Variants in PLCH1 observed in about 807,000 individuals in gnomAD.
PLCH1 encodes phospholipase C eta 1, also known as 1-phosphatidylinositol 4,5-bisphosphate phosphodiesterase eta-1.
In PLCH1, 60 loss-of-function variants were observed where a neutral mutation model predicts 126.7. The observed-to-expected ratio is 0.47, with a 90% CI of 0.38 to 0.59. The LOEUF (loss-of-function observed/expected upper bound fraction) is 0.59. PLCH1 is among the 20% of genes least tolerant of loss of function. PLCH1 has a pLI of 0.00. For synonymous variants in PLCH1, 719 were observed against 734.9 expected (o/e 0.98, Z 0.35); for missense variants, 1,723 against 2,040.0 (o/e 0.84, Z 2.99).
intron 2 of PLCH1, among the ~76,000 whole-genome samples, chr3:155,642,843 A>T (rs915135442): frequency 4.6e-5 from 7 of 152,208 alleles, no homozygotes; most frequent in African/African-American, 1.7e-4. Flanking sequence ...ATTGAATTAG[A>T]CAGTCTATGT....
chr3:155,720,157 G>C (rs184267957), intron 1 of PLCH1, among the ~76,000 whole-genome samples: 35 of 152,256 alleles, frequency 2.3e-4, no homozygotes, highest in African/African-American at 7.9e-4. Flanking sequence ...TTTTGCATTT[G>C]TGAATTATGC....
intron 2 of PLCH1, among the ~76,000 whole-genome samples, chr3:155,607,177 G>A (rs1342433552): frequency 1.3e-5 from 2 of 152,078 alleles, no homozygotes; most frequent in Non-Finnish European, 2.9e-5. Flanking sequence ...TTTAGGGCAG[G>A]AAGCAAGTAA....
At chr3:155,680,359 G>C (rs1744414941) in intron 2 of PLCH1, among the ~76,000 whole-genome samples, 1 of 152,062 alleles carries the variant, frequency 6.6e-6, no homozygotes, top group Admixed American at 6.5e-5. Context: ...CTCCAGCCTG[G>C]GTGACAGAGC....
chr3:155,487,245 T>C (rs964172010), intron 21 of PLCH1: 6 of 152,224 alleles, frequency 3.9e-5, no homozygotes, highest in African/African-American at 1.4e-4. Context: ...TATTTATTTA[T>C]GAGATAGGTA....
intron 1 of PLCH1, among the ~76,000 whole-genome samples, chr3:155,726,821 G>C (rs185503398): frequency 2.7e-3 from 402 of 149,332 alleles, no homozygotes; most frequent in Non-Finnish European, 4.6e-3. Context: ...TCAGCCTCCT[G>C]AGTAGCTGGG....
At chr3:155,468,153 G>T (rs891843726) in intron 21 of PLCH1, among the ~76,000 whole-genome samples, 5 of 152,188 alleles carry the variant, frequency 3.3e-5, no homozygotes, top group Non-Finnish European at 5.9e-5. Flanking sequence ...CCTTTTGCTT[G>T]TTTGTTTATG....
chr3:155,537,205 A>AC (rs1723521225), intron 10 of PLCH1, among the ~76,000 whole-genome samples: 1 of 4,884 alleles, frequency 2.0e-4, no homozygotes, highest in Non-Finnish European at 3.1e-3. Context: ...AAAAAACCAA[A>AC]AAAAAAAAAA....
rs752807995 is a variant in PLCH1, at chr3:155,554,075, C to T, written c.1190+1G>A. The T allele has an allele frequency of 6.2e-7, 1 of 1,613,534 alleles. No homozygotes were observed. Among genetic ancestry groups the T allele is most frequent in the Non-Finnish European group, 8.5e-7 (1 of 1,179,684 alleles). On this transcript the variant is annotated splice_donor_variant, in intron 9 of 22. Transcript: ENST00000460012. LOFTEE classifies it high-confidence loss of function. The stretch of plus-strand genomic sequence containing the variant: ...TAGCTCACAGGTGCTGCTTTACTTA[C>T]TCATTCTTCACAAAGGCATGCTTGT...
chr3:155,659,053 C>T (rs1741777924), intron 2 of PLCH1, among the ~76,000 whole-genome samples: 1 of 152,138 alleles, frequency 6.6e-6, no homozygotes. Context: ...TTCTTAGCTG[C>T]CACATCATCA....
intron 2 of PLCH1, among the ~76,000 whole-genome samples, chr3:155,620,701 G>C (rs1013062354): frequency 2.0e-5 from 3 of 152,176 alleles, no homozygotes; most frequent in African/African-American, 7.2e-5. Context: ...CGGCCAGACT[G>C]CCTCTCCAGA....
At chr3:155,736,274 G>A (rs977925965) in intron 1 of PLCH1, among the ~76,000 whole-genome samples, 4 of 152,158 alleles carry the variant, frequency 2.6e-5, no homozygotes, top group Admixed American at 2.6e-4. Flanking sequence ...GATTTACCCA[G>A]TAAATAGAAA....
intron 10 of PLCH1, among the ~76,000 whole-genome samples, chr3:155,526,437 C>G (rs1721929252): frequency 6.6e-6 from 1 of 150,978 alleles, no homozygotes; most frequent in Non-Finnish European, 1.5e-5. Context: ...CTCTCTCTCT[C>G]TCTCTTTTTC....
intron 2 of PLCH1, among the ~76,000 whole-genome samples, chr3:155,642,531 G>C (rs762024374): frequency 1.3e-5 from 2 of 152,170 alleles, no homozygotes; most frequent in African/African-American, 4.8e-5. Context: ...ATTTGAATTG[G>C]TAGATAGAGT....
chr3:155,718,834 A>G (rs562436675), intron 1 of PLCH1, among the ~76,000 whole-genome samples: 109 of 152,284 alleles, frequency 7.2e-4, no homozygotes, highest in Admixed American at 4.3e-3. Flanking sequence ...ATCATCTTGT[A>G]TGTTAGCAGA....
chr3:155,667,868 C>T (rs1174425583), intron 2 of PLCH1, among the ~76,000 whole-genome samples: 3 of 138,580 alleles, frequency 2.2e-5, no homozygotes, highest in South Asian at 4.6e-4. Context: ...AGTTCAAGAC[C>T]AGCCTGGCCA....
chr3:155,488,020 T>C lies in PLCH1; in HGVS notation c.2619+8A>G. 6.6e-7 allele frequency: 1 copy of C among 1,504,540 alleles called. No individual in the cohort carries two copies. The highest frequency in any genetic ancestry group is 9.3e-7 in the Non-Finnish European group (1 of 1,080,046). The allele number at this position is 1,504,540 out of a possible 1,614,324, so 93.2% of individuals were successfully genotyped here. On this transcript the variant is annotated splice_region_variant and intron_variant, in intron 21 of 22. Coordinates refer to ENST00000460012, the MANE Select transcript of PLCH1 (RefSeq NM_014996.4). ...GTATATGACTTTAAATCCTATGATC[T>C]TTCTCACCTTTCCATAGATTTCATT...
At chr3:155,451,581 G>A (rs1052237921) in intron 21 of PLCH1, among the ~76,000 whole-genome samples, 1 of 152,182 alleles carries the variant, frequency 6.6e-6, no homozygotes, top group East Asian at 1.9e-4. Flanking sequence ...TTAGTAAACT[G>A]AATAAAGCAG....
At chr3:155,730,903 C>T (rs1748723254) in intron 1 of PLCH1, among the ~76,000 whole-genome samples, 1 of 152,302 alleles carries the variant, frequency 6.6e-6, no homozygotes, top group South Asian at 2.1e-4. Flanking sequence ...CATTGCCTTA[C>T]ACCCTAATGC....
intron 2 of PLCH1, among the ~76,000 whole-genome samples, chr3:155,673,077 T>A (rs147398827): frequency 1.2e-3 from 143 of 120,122 alleles, no homozygotes; most frequent in Non-Finnish European, 2.0e-3. Flanking sequence ...TTTTTTTTGG[T>A]AATAATGTCT....
Sources: allele counts gnomAD v4.1 joint callset (sites outside exome capture counted in the v4.1 genomes callset), GRCh38; gene constraint gnomAD v4.1.1; transcripts MANE v1.5; gene names NCBI Gene and HGNC (gene_info 2026-07-23, HGNC 2026-07-21).